Variants in CDK17 observed in about 807,000 individuals in gnomAD.
The protein encoded by CDK17 is cyclin dependent kinase 17.
A neutral mutation model predicts 77.6 loss-of-function variants in CDK17; 24 were observed. The ratio of observed to expected loss-of-function variants is 0.31; its 90% CI spans 0.22 to 0.44. The LOEUF (loss-of-function observed/expected upper bound fraction) is 0.44, where lower values mean the gene tolerates loss of function less well. Among genes scored for constraint, CDK17 ranks in the 20% least tolerant of loss-of-function variants. The pLI is 1.00. For synonymous variants in CDK17, 203 were observed against 210.4 expected (o/e 0.96, Z 0.30); for missense variants, 429 against 622.5 (o/e 0.69, Z 3.31).
chr12:96,283,823 T>C (rs1952209104), intron 13 of CDK17, among the ~76,000 whole-genome samples, 178 bp from the exon 14 acceptor site: 1 of 152,242 alleles, frequency 6.6e-6, no homozygotes, highest in Non-Finnish European at 1.5e-5. Context: ...CCTTGCTATT[T>C]GTTTAAGGAT....
chr12:96,400,430 G>C lies in CDK17; in HGVS notation c.-474C>G. On this transcript the variant is annotated 5_prime_UTR_variant, in exon 1 of 17. Transcript: ENST00000261211. ...GTGTGCGTCGCTTTCACACTCGGCG[G>C]CTGCGGATTGACGCCTCCGCCTGTT... is the stretch of plus-strand genomic sequence containing the variant. 2.6e-6 allele frequency: 1 copy of C among 381,984 alleles called. No homozygotes were observed. Among genetic ancestry groups the C allele is most frequent in the East Asian group, 3.8e-5 (1 of 26,576 alleles). The allele number at this position is 381,984 out of a possible 1,614,324, so 23.7% of individuals were successfully genotyped here. A position where few individuals can be genotyped will look rare whatever the true frequency, so the allele number is the denominator to read the frequency against.
intron 1 of CDK17, among the ~76,000 whole-genome samples, chr12:96,354,621 T>C (rs1040477776): frequency 6.6e-6 from 1 of 152,200 alleles, no homozygotes; most frequent in African/African-American, 2.4e-5. Flanking sequence ...GGCTCACATC[T>C]GTAATCCCAG....
At chr12:96,327,807 C>T (rs1482622020) in intron 2 of CDK17, among the ~76,000 whole-genome samples, 1 of 152,140 alleles carries the variant, frequency 6.6e-6, no homozygotes, top group East Asian at 1.9e-4. Context: ...ACCTCAGCCT[C>T]CCAAAGCACT....
rs113247506 is a variant in CDK17, at chr12:96,344,977, C to A, written c.-29-10112G>T. 5.3e-5 allele frequency among the ~76,000 whole-genome samples: 8 copies of A among 152,238 alleles called. No homozygotes were observed. In the East Asian group the frequency reaches 1.5e-3, roughly 29 times the overall value. ...GCTCTTTTCCCTAATGCTCTCCCTA[C>A]CCCTGCCCTCCTCCGACAGGCCTCA... On this transcript the variant is annotated intron_variant, in intron 1 of 16. Coordinates refer to ENST00000261211, the MANE Select transcript of CDK17 (RefSeq NM_002595.5).
intron 2 of CDK17, among the ~76,000 whole-genome samples, 193 bp downstream of exon 2, chr12:96,334,526 T>C (rs960189711): frequency 6.6e-6 from 1 of 152,198 alleles, no homozygotes; most frequent in Non-Finnish European, 1.5e-5. Flanking sequence ...TATCGTAATG[T>C]TGGAGTGAGA....
Position 96,322,507 on chromosome 12 carries a change from AC to A in CDK17, c.283+1440del, listed in dbSNP as rs1376987149. On this transcript the variant is annotated intron_variant, in intron 3 of 16. Coordinates refer to ENST00000261211, the MANE Select transcript of CDK17 (RefSeq NM_002595.5). ...CTGCCCCCTTACAAAAAAAAAAAAAACAAACCCTGGTCTAGACAAACAAGAA... is the reference window on the plus strand; with the variant it reads ...CTGCCCCCTTACAAAAAAAAAAAAAAAAACCCTGGTCTAGACAAACAAGAA... Among the ~76,000 whole-genome samples the A allele has an allele frequency of 2.0e-5, 3 of 151,924 alleles. No homozygotes were observed. The East Asian group carries it at 5.8e-4, about 29-fold the overall frequency.
In CDK17 at chr12:96,314,610, C is replaced by A. The variant is rs141142564; in HGVS notation, c.284-1156G>T. ...GGATTACAGGCATGAGCCACCACAT[C>A]TGGCCAAGTTGTATACTCATATACC... is the stretch of plus-strand genomic sequence containing the variant. On this transcript the variant is annotated intron_variant, in intron 3 of 16. Coordinates refer to ENST00000261211, the MANE Select transcript of CDK17 (RefSeq NM_002595.5). 4.6e-4 allele frequency among the ~76,000 whole-genome samples: 70 copies of A among 152,308 alleles called. 1 individual carries two copies. In the Middle Eastern group the frequency reaches 0.01, roughly 22 times the overall value.
chr12:96,322,902 AT>A, intron 3 of CDK17, among the ~76,000 whole-genome samples: 1 of 152,208 alleles, frequency 6.6e-6, no homozygotes, highest in Admixed American at 6.5e-5. Flanking sequence ...CAACTCCAGC[AT>A]ACCATTCTGT....
chr12:96,385,012 G>GAAAA (rs75720821), intron 1 of CDK17, among the ~76,000 whole-genome samples: 2 of 75,498 alleles, frequency 2.6e-5, no homozygotes, highest in African/African-American at 5.3e-5. Flanking sequence ...TTTCTCAAGG[G>GAAAA]AAAAAAAAAA....
intron 1 of CDK17, among the ~76,000 whole-genome samples, chr12:96,375,084 C>T (rs1953756838): frequency 6.6e-6 from 1 of 152,174 alleles, no homozygotes; most frequent in Non-Finnish European, 1.5e-5. Flanking sequence ...ACCATCTCCA[C>T]CATCCACAAT....
At chr12:96,373,435 A>T (rs908391860) in intron 1 of CDK17, among the ~76,000 whole-genome samples, 3 of 152,102 alleles carry the variant, frequency 2.0e-5, no homozygotes, top group African/African-American at 7.2e-5. Flanking sequence ...TCTACTAAAA[A>T]TACAAAAAAT....
chr12:96,286,018 C>A (rs547494401), intron 13 of CDK17, 25 bp downstream of exon 13: 1 of 1,129,170 alleles, frequency 8.9e-7, no homozygotes, highest in Admixed American at 1.7e-5. Flanking sequence ...TGTTTTCCCC[C>A]CTTTCACATA....
At position 96,286,774 on chromosome 12, in the gene CDK17, TC is replaced by T. The variant is rs1952251953; in HGVS notation, c.1119-14del. 1 of 1,578,430 alleles carries T rather than the reference TC, an allele frequency of 6.3e-7. No homozygotes were observed. Among genetic ancestry groups the T allele is most frequent in the Non-Finnish European group, 8.7e-7 (1 of 1,151,150 alleles). Reference sequence around the variant, plus strand: ...GCAACCAACACCCCTTTAAAATAGATCATGAAAATAATTTAGCAATTCATTT... The same window carrying T: ...GCAACCAACACCCCTTTAAAATAGATATGAAAATAATTTAGCAATTCATTT... On this transcript the variant is annotated splice_polypyrimidine_tract_variant and intron_variant, in intron 11 of 16. Transcript: ENST00000261211.
At chr12:96,299,314 T>C (rs1952460142) in intron 6 of CDK17, among the ~76,000 whole-genome samples, 1 of 152,164 alleles carries the variant, frequency 6.6e-6, no homozygotes, top group Non-Finnish European at 1.5e-5. Context: ...CAATGGTATA[T>C]GGAGACTGAT....
intron 1 of CDK17, among the ~76,000 whole-genome samples, chr12:96,395,118 C>T (rs1197186829): frequency 6.6e-6 from 1 of 152,188 alleles, no homozygotes; most frequent in Non-Finnish European, 1.5e-5. Context: ...TTGTGATCTG[C>T]CCGGCTCAGC....
intron 3 of CDK17, among the ~76,000 whole-genome samples, chr12:96,316,171 T>C (rs1952713706): frequency 6.6e-6 from 1 of 151,998 alleles, no homozygotes; most frequent in South Asian, 2.1e-4. Flanking sequence ...GGAGTTCTCT[T>C]TCCGAGTCAA....
chr12:96,385,236 C>T (rs896062476), intron 1 of CDK17, among the ~76,000 whole-genome samples: 14 of 111,850 alleles, frequency 1.3e-4, no homozygotes, highest in Admixed American at 1.2e-3. Flanking sequence ...TGCTTGAACC[C>T]GGGAGGCGGA....
At chr12:96,307,261 C>T (rs1251860287) in intron 5 of CDK17, among the ~76,000 whole-genome samples, 4 of 152,144 alleles carry the variant, frequency 2.6e-5, no homozygotes, top group African/African-American at 9.7e-5. Context: ...TGCCATTGCA[C>T]TCCAGCCTGG....
At position 96,318,158 on chromosome 12, in the gene CDK17, G is replaced by C. The variant is rs950216537; in HGVS notation, c.284-4704C>G. 2.5e-3 allele frequency among the ~76,000 whole-genome samples: 369 copies of C among 150,098 alleles called. 2 individuals carry two copies. The highest frequency in any genetic ancestry group is 6.9e-3 in the Middle Eastern group (2 of 290). On this transcript the variant is annotated intron_variant, in intron 3 of 16. Coordinates refer to ENST00000261211, the MANE Select transcript of CDK17 (RefSeq NM_002595.5). ...AGCAGGGGTTGCAATCCTAGTCTCTGATAAAACAGACTTTAAACCAACAAA... is the reference window on the plus strand; with the variant it reads ...AGCAGGGGTTGCAATCCTAGTCTCTCATAAAACAGACTTTAAACCAACAAA...
Sources: allele counts gnomAD v4.1 joint callset (sites outside exome capture counted in the v4.1 genomes callset), GRCh38; gene constraint gnomAD v4.1.1; transcripts MANE v1.5; gene names NCBI Gene and HGNC (gene_info 2026-07-23, HGNC 2026-07-21).